SGIP1: variants seen among roughly 807,000 people sequenced by gnomAD.
SGIP1 encodes the protein SH3-containing GRB2-like protein 3-interacting protein 1.
In SGIP1, 38 loss-of-function variants were observed where a neutral mutation model predicts 107.5. The observed-to-expected ratio is 0.35, with a 90% CI of 0.27 to 0.46. SGIP1 has a LOEUF of 0.46. Ranked by LOEUF, SGIP1 falls within the 20% of genes least tolerant of loss-of-function variation. The pLI is 1.00. For synonymous variants in SGIP1, 365 were observed against 366.1 expected, an observed-to-expected ratio of 1.00 and a Z score of 0.03; for missense variants, 929 against 1,019.5, an observed-to-expected ratio of 0.91 and a Z score of 1.21.
intron 7 of SGIP1, among the ~76,000 whole-genome samples, chr1:66,652,463 G>A (rs2078948449): frequency 6.6e-6 from 1 of 152,160 alleles, no homozygotes. Flanking sequence ...AAGTGGTACA[G>A]TGAAGTAAAG....
At chr1:66,683,621 C>T (rs2087332173) in intron 15 of SGIP1, among the ~76,000 whole-genome samples, 1 of 151,054 alleles carries the variant, frequency 6.6e-6, no homozygotes, top group African/African-American at 2.4e-5. Context: ...ACCATAAGAC[C>T]TTTGGGAGCC....
At chr1:66,728,589 A>T (rs1376728911) in intron 19 of SGIP1, among the ~76,000 whole-genome samples, 1 of 152,192 alleles carries the variant, frequency 6.6e-6, no homozygotes, top group Non-Finnish European at 1.5e-5. Flanking sequence ...TGACCCAGAG[A>T]TCCCATTACC....
chr1:66,655,988 CATT>C (rs2079689020), intron 7 of SGIP1, among the ~76,000 whole-genome samples: 2 of 152,076 alleles, frequency 1.3e-5, no homozygotes, highest in African/African-American at 4.8e-5. Flanking sequence ...AATGCAAAAA[CATT>C]GTACAGCTGT....
intron 1 of SGIP1, among the ~76,000 whole-genome samples, chr1:66,607,658 C>A (rs1302691824): frequency 3.9e-5 from 6 of 152,252 alleles, no homozygotes; most frequent in Non-Finnish European, 4.4e-5. Context: ...AATGCCCCAC[C>A]CCCCTACACC....
intron 5 of SGIP1, 129 bp from the exon 6 acceptor site, chr1:66,642,681 A>G (rs1400058860): frequency 3.0e-6 from 2 of 672,596 alleles, no homozygotes; most frequent in Non-Finnish European, 4.8e-6. Context: ...ATTCACTTCC[A>G]AAAGTAAAAA....
chr1:66,693,313 A>G (rs1557652780), intron 17 of SGIP1, among the ~76,000 whole-genome samples: 2 of 144,496 alleles, frequency 1.4e-5, no homozygotes, highest in South Asian at 4.5e-4. Flanking sequence ...TGCACTAGTA[A>G]AAGCTCACAG....
chr1:66,709,841 A>C (rs1267339733), intron 18 of SGIP1, among the ~76,000 whole-genome samples: 1 of 152,128 alleles, frequency 6.6e-6, no homozygotes, highest in African/African-American at 2.4e-5. Context: ...GAATTCAGAA[A>C]GTATATGTTC....
chr1:66,537,740 T>C (rs771480650), intron 1 of SGIP1, among the ~76,000 whole-genome samples: 2 of 152,144 alleles, frequency 1.3e-5, no homozygotes, highest in Non-Finnish European at 2.9e-5. Flanking sequence ...TTTATTATAT[T>C]TACTACTCAT....
intron 7 of SGIP1, among the ~76,000 whole-genome samples, chr1:66,649,931 G>T (rs1406979531): frequency 6.6e-6 from 1 of 152,036 alleles, no homozygotes; most frequent in Non-Finnish European, 1.5e-5. Flanking sequence ...CAGTGCCTTG[G>T]TTTCTTCATC....
chr1:66,586,047 T>G (rs2062565429), intron 1 of SGIP1, among the ~76,000 whole-genome samples: 1 of 152,228 alleles, frequency 6.6e-6, no homozygotes, highest in African/African-American at 2.4e-5. Context: ...TATTGTTTAG[T>G]GCCTAAACAT....
Position 66,581,296 on chromosome 1 carries a change from A to G in SGIP1, c.11-44551A>G, listed in dbSNP as rs376110252. On this transcript the variant is annotated intron_variant, in intron 1 of 24. Transcript: ENST00000371037. The stretch of plus-strand genomic sequence containing the variant: ...ATTCTAGCTTGAAAAATTACTAGTT[A>G]TGCAAACTCAGGCAAGTTCTCAACC... 4.6e-5 allele frequency among the ~76,000 whole-genome samples: 7 copies of G among 152,182 alleles called. No individual in the cohort carries two copies. The East Asian group carries it at 1.2e-3, about 25-fold the overall frequency.
intron 1 of SGIP1, among the ~76,000 whole-genome samples, chr1:66,621,191 T>G (rs1173345847): frequency 1.3e-5 from 2 of 152,254 alleles, no homozygotes; most frequent in Non-Finnish European, 2.9e-5. Context: ...CTGTAAATTC[T>G]CATGGAAATA....
chr1:66,580,631 T>A lies in SGIP1; in HGVS notation c.11-45216T>A, dbSNP rs569926320. Among the ~76,000 whole-genome samples, 4 of 152,274 alleles carry A rather than the reference T, an allele frequency of 2.6e-5. No homozygotes were observed. The South Asian group carries it at 8.3e-4, about 32-fold the overall frequency. On this transcript the variant is annotated intron_variant, in intron 1 of 24. Transcript: ENST00000371037. ...GTGTGATGTCTATGTGATCAATAAA[T>A]TAATAACATCCAATATAGCAATTTA...
intron 5 of SGIP1, 81 bp downstream of exon 5, chr1:66,639,914 A>G: frequency 8.6e-7 from 1 of 1,158,996 alleles, no homozygotes; most frequent in South Asian, 1.4e-5. Context: ...AATAGGACTT[A>G]GAAATAAGCG....
intron 1 of SGIP1, among the ~76,000 whole-genome samples, chr1:66,601,763 A>C (rs944596571): frequency 2.0e-5 from 3 of 152,194 alleles, no homozygotes; most frequent in Non-Finnish European, 4.4e-5. Context: ...TCCTGTATGT[A>C]AGGAGCCCTA....
At chr1:66,653,071 G>A (rs1046879897) in intron 7 of SGIP1, among the ~76,000 whole-genome samples, 1 of 152,154 alleles carries the variant, frequency 6.6e-6, no homozygotes, top group Non-Finnish European at 1.5e-5. Flanking sequence ...CATGGGCTTA[G>A]AAGCCAGCCC....
chr1:66,576,775 T>A (rs1359315598), intron 1 of SGIP1, among the ~76,000 whole-genome samples: 1 of 152,186 alleles, frequency 6.6e-6, no homozygotes, highest in African/African-American at 2.4e-5. Context: ...CAAGCCAGAC[T>A]CCTCTTGAAA....
chr1:66,694,451 A>ATGTT, intron 17 of SGIP1: 1 of 1,607,642 alleles, frequency 6.2e-7, no homozygotes, highest in South Asian at 1.1e-5. Flanking sequence ...TCAGAAGACG[A>ATGTT]TGTTTTTTAT....
intron 5 of SGIP1, 82 bp from the exon 6 acceptor site, chr1:66,642,728 T>G (rs951962716): frequency 6.5e-5 from 79 of 1,224,252 alleles, no homozygotes; most frequent in Non-Finnish European, 8.8e-5. Flanking sequence ...TCTATATCCT[T>G]AAATAGAAGA....
Sources: allele counts gnomAD v4.1 joint callset (sites outside exome capture counted in the v4.1 genomes callset), GRCh38; gene constraint gnomAD v4.1.1; transcripts MANE v1.5; gene names NCBI Gene and HGNC (gene_info 2026-07-23, HGNC 2026-07-21).